TMPRSS11F: variants seen among roughly 807,000 people sequenced by gnomAD.
The protein encoded by TMPRSS11F is transmembrane serine protease 11F.
In TMPRSS11F, 47 loss-of-function variants were observed where a neutral mutation model predicts 60.2. That is an observed-to-expected ratio of 0.78 (90% CI 0.62 to 1.00). The LOEUF (loss-of-function observed/expected upper bound fraction) is 1.00. Ranked by LOEUF, TMPRSS11F falls within the 50% of genes least tolerant of loss-of-function variation. The pLI, the probability that TMPRSS11F is intolerant of heterozygous loss-of-function variation, is 0.00. For missense variants in TMPRSS11F, 519 were observed against 522.9 expected, an observed-to-expected ratio of 0.99 and a Z score of 0.07; for synonymous variants, 166 against 167.3, an observed-to-expected ratio of 0.99 and a Z score of 0.06.
chr4:68,090,666 C>A (rs1723908847), intron 2 of TMPRSS11F, 25 bp from the exon 3 acceptor site: 2 of 1,579,884 alleles, frequency 1.3e-6, no homozygotes, highest in African/African-American at 2.7e-5. Flanking sequence ...AAACAAAAGT[C>A]TCATGGTTAA....
intron 8 of TMPRSS11F, among the ~76,000 whole-genome samples, chr4:68,061,656 T>TAA (rs767971363): frequency 6.6e-6 from 1 of 151,560 alleles, no homozygotes; most frequent in African/African-American, 2.4e-5. Flanking sequence ...TTTCAGTTTG[T>TAA]AAAAAAAAAT....
intron 8 of TMPRSS11F, chr4:68,062,463 C>T: frequency 1.5e-6 from 1 of 661,498 alleles, no homozygotes; most frequent in African/African-American, 1.8e-5. Flanking sequence ...AACAGCTCTT[C>T]CAATGGCGAC....
In TMPRSS11F at chr4:68,072,199, T is replaced by TTATATATATA. The variant is rs58878382; in HGVS notation, c.514+114_514+123dup. 125 of 91,680 alleles carry TTATATATATA rather than the reference T, an allele frequency of 1.4e-3. 4 individuals carry two copies. Among genetic ancestry groups the TTATATATATA allele is most frequent in the African/African-American group, 5.2e-3 (125 of 24,086 alleles). 5.7% of individuals were successfully genotyped at this position (91,680 alleles called of 1,614,324 possible). A position where few individuals can be genotyped will look rare whatever the true frequency, so the allele number is the denominator to read the frequency against. On this transcript the variant is annotated intron_variant, in intron 5 of 9. Coordinates refer to ENST00000356291, the MANE Select transcript of TMPRSS11F (RefSeq NM_207407.2). ...TTTAGTTTTATTCCATGCTGAGATT[T>TTATATATATA]TATATATATATATATATCTTCCAAA...
chr4:68,065,538 C>T (rs1193512496), intron 7 of TMPRSS11F, among the ~76,000 whole-genome samples: 1 of 152,058 alleles, frequency 6.6e-6, no homozygotes, highest in African/African-American at 2.4e-5. Flanking sequence ...TCTCCTTTCA[C>T]ATAGATGCTT....
At chr4:68,061,683 G>T in intron 8 of TMPRSS11F, 1 of 376,920 alleles carries the variant, frequency 2.7e-6, no homozygotes, top group Non-Finnish European at 5.2e-6. Flanking sequence ...TCACATTACT[G>T]CAATTTTTGA....
At chr4:68,082,269 TA>T (rs1353494045) in intron 3 of TMPRSS11F, among the ~76,000 whole-genome samples, 2 of 152,128 alleles carry the variant, frequency 1.3e-5, no homozygotes, top group Non-Finnish European at 2.9e-5. Context: ...ACAACCCCCA[TA>T]GATACTTGAA....
At chr4:68,093,493 G>C (rs1033805264) in intron 2 of TMPRSS11F, among the ~76,000 whole-genome samples, 112 of 152,188 alleles carry the variant, frequency 7.4e-4, no homozygotes, top group South Asian at 1.9e-3. Context: ...CATGGGCAAG[G>C]ACTTCATGTC....
chr4:68,086,553 A>G (rs780341156), intron 3 of TMPRSS11F, among the ~76,000 whole-genome samples: 15 of 152,138 alleles, frequency 9.9e-5, no homozygotes, highest in Non-Finnish European at 1.8e-4. Context: ...TTGAGACACA[A>G]AAATCTGTTA....
chr4:68,063,201 G>A, intron 8 of TMPRSS11F: 1 of 594,174 alleles, frequency 1.7e-6, no homozygotes, highest in South Asian at 1.4e-5. Context: ...AACTGCCTCT[G>A]GAGATACTTT....
chr4:68,122,485 T>A (rs755549786), intron 1 of TMPRSS11F, among the ~76,000 whole-genome samples: 2 of 152,194 alleles, frequency 1.3e-5, no homozygotes, highest in Non-Finnish European at 2.9e-5. Context: ...GGATTTGGAA[T>A]CTAGCTTTCA....
chr4:68,074,716 A>T (rs946397155), intron 3 of TMPRSS11F, among the ~76,000 whole-genome samples: 10 of 143,092 alleles, frequency 7.0e-5, no homozygotes, highest in Non-Finnish European at 1.5e-4. Context: ...AGTCTAAGCC[A>T]TTGGAAATTT....
intron 3 of TMPRSS11F, among the ~76,000 whole-genome samples, chr4:68,081,995 A>G (rs11934633): frequency 0.29 from 43,882 of 152,022 alleles, 6,431 homozygotes; most frequent in East Asian, 0.49. Context: ...CCAGAAAGGA[A>G]CTTTCCCACT....
chr4:68,075,021 G>T (rs566007256), intron 3 of TMPRSS11F, among the ~76,000 whole-genome samples: 1 of 152,330 alleles, frequency 6.6e-6, no homozygotes, highest in Non-Finnish European at 1.5e-5. Flanking sequence ...GCACTGGGCT[G>T]AGAGTTATCA....
chr4:68,070,978 A>G (rs952906302), intron 5 of TMPRSS11F, among the ~76,000 whole-genome samples: 2 of 152,192 alleles, frequency 1.3e-5, no homozygotes, highest in African/African-American at 4.8e-5. Context: ...AACAACTTGT[A>G]TCATAAAAAA....
At chr4:68,103,819 T>A (rs1724242953) in intron 1 of TMPRSS11F, among the ~76,000 whole-genome samples, 1 of 152,178 alleles carries the variant, frequency 6.6e-6, no homozygotes, top group Admixed American at 6.5e-5. Flanking sequence ...TGGTATTGTC[T>A]TTATTTCTTT....
In TMPRSS11F at chr4:68,075,916, C is replaced by A. The variant is rs539128626; in HGVS notation, c.283-1907G>T. 2.0e-5 allele frequency among the ~76,000 whole-genome samples: 3 copies of A among 151,960 alleles called. No individual in the cohort carries two copies. In the East Asian group the frequency reaches 5.8e-4, roughly 29 times the overall value. ...GCTGAAGCAGAAGAATGGCCTGAACCTGGGAGGCGGAGCTTGCAGTGAGCC... is the reference window on the plus strand; with the variant it reads ...GCTGAAGCAGAAGAATGGCCTGAACATGGGAGGCGGAGCTTGCAGTGAGCC... On this transcript the variant is annotated intron_variant, in intron 3 of 9. Coordinates refer to ENST00000356291, the MANE Select transcript of TMPRSS11F (RefSeq NM_207407.2).
Position 68,064,590 on chromosome 4 carries a change from T to A in TMPRSS11F, c.1015+95A>T, listed in dbSNP as rs1173666840. The A allele has an allele frequency of 2.8e-6, 4 of 1,409,730 alleles. No homozygotes were observed. The African/African-American group carries it at 5.7e-5, about 20-fold the overall frequency. The allele number at this position is 1,409,730 out of a possible 1,614,324, so 87.3% of individuals were successfully genotyped here. On this transcript the variant is annotated intron_variant, in intron 8 of 9. Transcript: ENST00000356291. Reference sequence around the variant, plus strand: ...CCACACATACTGGAAAGACCATTACTTTTATTAAAAGCTTAAGAGGGATTC... The same window carrying A: ...CCACACATACTGGAAAGACCATTACATTTATTAAAAGCTTAAGAGGGATTC...
Position 68,100,606 on chromosome 4 carries a change from C to G in TMPRSS11F, c.12-1568G>C, listed in dbSNP as rs146542051. Among the ~76,000 whole-genome samples the G allele has an allele frequency of 6.6e-5, 10 of 152,068 alleles. No individual in the cohort carries two copies. The East Asian group carries it at 1.2e-3, about 18-fold the overall frequency. On this transcript the variant is annotated intron_variant, in intron 1 of 9. Coordinates refer to ENST00000356291, the MANE Select transcript of TMPRSS11F (RefSeq NM_207407.2). ...GACGTCCAGGTAAATGACTGTGACT[C>G]CAGGCAAGATGAGGAATATTAAAGG...
chr4:68,070,538 G>A (rs1403386168), intron 5 of TMPRSS11F, among the ~76,000 whole-genome samples: 1 of 152,186 alleles, frequency 6.6e-6, no homozygotes, highest in Non-Finnish European at 1.5e-5. Flanking sequence ...TCTCCCTGAG[G>A]ATTCTCTCTT....
Sources: gnomAD v4.1 joint callset for allele counts (sites outside exome capture counted in the v4.1 genomes callset) on GRCh38, gnomAD v4.1.1 for gene constraint, MANE v1.5 for transcripts, NCBI Gene and HGNC (gene_info 2026-07-23, HGNC 2026-07-21) for gene names.